Variants in MED23 observed in about 807,000 individuals in gnomAD.
MED23 encodes mediator complex subunit 23, also known as mediator of RNA polymerase II transcription subunit 23.
Under a neutral mutation model 163.9 loss-of-function variants are expected in MED23, and 105 were observed. That is an observed-to-expected ratio of 0.64 (90% confidence interval 0.55 to 0.75). The LOEUF is 0.75. MED23 is among the 30% of genes least tolerant of loss of function. The pLI is 0.00. For missense variants in MED23, 1,054 were observed against 1,649.0 expected (o/e 0.64, Z 6.25); for synonymous variants, 561 against 565.6 (o/e 0.99, Z 0.12).
rs1229834626 is a variant in MED23 at position 131,587,380 on chromosome 6, A to G, written c.*299T>C. On this transcript the variant is annotated 3_prime_UTR_variant, in exon 29 of 29. Transcript: ENST00000368068. ...CAACGGCTAGAATAGGAAAGACTGA[A>G]AGTGCCAATGACAAGTCATTTGATC... 1.5e-5 allele frequency: 18 copies of G among 1,193,908 alleles called. 1 individual carries two copies. Among genetic ancestry groups the G allele is most frequent in the Non-Finnish European group, 1.7e-5 (16 of 960,572 alleles). 74.0% of individuals were successfully genotyped at this position (1,193,908 alleles called of 1,614,324 possible).
chr6:131,590,057 G>A (rs1774483896), intron 27 of MED23, among the ~76,000 whole-genome samples: 1 of 152,104 alleles, frequency 6.6e-6, no homozygotes, highest in African/African-American at 2.4e-5. Flanking sequence ...TAGCTCCTCT[G>A]CACTGTAAGA....
chr6:131,600,467 T>G (rs1775384605), intron 17 of MED23, among the ~76,000 whole-genome samples: 2 of 152,184 alleles, frequency 1.3e-5, no homozygotes, highest in Admixed American at 1.3e-4. Flanking sequence ...TTCATTTACT[T>G]TGACACTGAT....
chr6:131,579,814 G>A (rs1409920417), intron 30 of MED23: 1 of 161,514 alleles, frequency 6.2e-6, no homozygotes, highest in African/African-American at 2.4e-5. Flanking sequence ...CCTTGTACAT[G>A]ATGACTTTGT....
In MED23 at chr6:131,587,452, T is replaced by C. The variant is rs1774252582; in HGVS notation, c.*227A>G. 2.2e-6 allele frequency: 3 copies of C among 1,372,102 alleles called. No homozygotes were observed. The highest frequency in any genetic ancestry group is 2.8e-6 in the Non-Finnish European group (3 of 1,061,918). 85.0% of individuals were successfully genotyped at this position (1,372,102 alleles called of 1,614,324 possible). A position where few individuals can be genotyped will look rare whatever the true frequency, so the allele number is the denominator to read the frequency against. ...CATAGCTCTAATAAGTTGTTATGAA[T>C]ATGAACAACATGTATCTTACTTGAT... On this transcript the variant is annotated 3_prime_UTR_variant, in exon 29 of 29. Transcript: ENST00000368068.
chr6:131,621,701 A>C (rs1028950810), intron 6 of MED23, among the ~76,000 whole-genome samples, 180 bp downstream of exon 6: 9 of 152,234 alleles, frequency 5.9e-5, no homozygotes, highest in Non-Finnish European at 1.2e-4. Context: ...CCATGAATTA[A>C]AATTTAAAAT....
chr6:131,584,965 C>T (rs1490535218), downstream of MED23, among the ~76,000 whole-genome samples: 2 of 149,424 alleles, frequency 1.3e-5, no homozygotes, highest in Non-Finnish European at 3.0e-5. Context: ...CGCCACTGCA[C>T]TCCAGCCTGG....
chr6:131,583,591 G>T, downstream of MED23: 1 of 1,545,260 alleles, frequency 6.5e-7, no homozygotes, highest in South Asian at 1.1e-5. Context: ...GACACTTTCA[G>T]AATGTCCATC....
intron 14 of MED23, 31 bp downstream of exon 14, chr6:131,605,209 A>C (rs1397075797): frequency 6.2e-7 from 1 of 1,609,962 alleles, no homozygotes; most frequent in South Asian, 1.1e-5. Flanking sequence ...CAATTCCCTG[A>C]CATGGAACCA....
downstream of MED23, among the ~76,000 whole-genome samples, chr6:131,585,202 A>G (rs1046704100): frequency 5.3e-5 from 8 of 152,124 alleles, no homozygotes; most frequent in African/African-American, 1.9e-4. Context: ...TTGGCTCTGG[A>G]GTGTAGTAAG....
In MED23 at chr6:131,596,074, A is replaced by G; in HGVS notation, c.2868T>C (p.Phe956=). ...QIQSPYLPIY[F]GNVCLRFLPV... ...GAAGGAATCGAAGACACACATTCCC[A>G]AAATAGATGGGCAGATAGGGAGACT... The change falls in exon 22 of 29, where the codon TTT becomes TTC. Residue 956 remains phenylalanine (F), a synonymous_variant. Transcript: ENST00000368068. 6.2e-7 allele frequency: 1 copy of G among 1,614,138 alleles called. No homozygotes were observed. The highest frequency in any genetic ancestry group is 8.5e-7 in the Non-Finnish European group (1 of 1,179,984).
intron 10 of MED23, among the ~76,000 whole-genome samples, chr6:131,614,214 T>C (rs1472041120): frequency 6.6e-6 from 1 of 152,268 alleles, no homozygotes; most frequent in East Asian, 1.9e-4. Flanking sequence ...ACAAGGAAAC[T>C]TGGCAAATTT....
intron 6 of MED23, 127 bp from the exon 7 acceptor site, chr6:131,620,856 G>A: frequency 3.5e-6 from 2 of 564,364 alleles, no homozygotes; most frequent in Non-Finnish European, 3.0e-6. Context: ...GGCTTGGAGT[G>A]CAGTGGCGTA....
intron 10 of MED23, 89 bp from the exon 11 acceptor site, chr6:131,610,335 G>A (rs1776190939): frequency 4.7e-6 from 6 of 1,263,322 alleles, no homozygotes; most frequent in Non-Finnish European, 6.8e-6. Context: ...TGTAACAAGA[G>A]GCTGAGAAGC....
downstream of MED23, chr6:131,584,043 A>C: frequency 1.0e-6 from 1 of 975,304 alleles, no homozygotes; most frequent in Non-Finnish European, 1.5e-6. Flanking sequence ...TAAACTCTAC[A>C]AATTCCCTCT....
At chr6:131,623,317 A>T (rs1221372785) in intron 5 of MED23, 34 bp downstream of exon 5, 1 of 1,531,024 alleles carries the variant, frequency 6.5e-7, no homozygotes, top group African/African-American at 1.4e-5. Flanking sequence ...ATCATATCTG[A>T]AAGCAATCAC....
At chr6:131,622,958 T>A (rs565730186) in intron 5 of MED23, among the ~76,000 whole-genome samples, 38 of 152,318 alleles carry the variant, frequency 2.5e-4, no homozygotes, top group African/African-American at 8.7e-4. Context: ...TTAATTGAGG[T>A]AAGACCCACG....
intron 12 of MED23, among the ~76,000 whole-genome samples, chr6:131,607,152 A>T (rs1357857733): frequency 6.6e-6 from 1 of 151,996 alleles, no homozygotes; most frequent in Non-Finnish European, 1.5e-5. Context: ...AAAAAAAATA[A>T]GGAGGAAAGA....
intron 21 of MED23, 101 bp from the exon 22 acceptor site, chr6:131,596,264 A>G (rs1585478015): frequency 9.0e-7 from 1 of 1,115,864 alleles, no homozygotes; most frequent in Non-Finnish European, 1.3e-6. Flanking sequence ...TTTTGCAAGG[A>G]AACATTTAAA....
At chr6:131,593,272 T>C (rs1774787298) in intron 23 of MED23, 101 bp from the exon 24 acceptor site, 2 of 1,430,250 alleles carry the variant, frequency 1.4e-6, no homozygotes, top group African/African-American at 1.4e-5. Flanking sequence ...CTTAGAGAGA[T>C]TAAGAGGCAA....
Sources: gnomAD v4.1 joint callset for allele counts (sites outside exome capture counted in the v4.1 genomes callset) on GRCh38, gnomAD v4.1.1 for gene constraint, MANE v1.5 for transcripts, NCBI Gene and HGNC (gene_info 2026-07-23, HGNC 2026-07-21) for gene names.